The following HLCS variants were observed in gnomAD, a reference collection of about 807,000 sequenced individuals.
HLCS encodes the protein holocarboxylase synthetase.
In HLCS, 53 loss-of-function variants were observed where a neutral mutation model predicts 75.0. That is an observed-to-expected ratio of 0.71 (90% CI 0.57 to 0.89). The LOEUF is 0.89. Ranked by LOEUF, HLCS falls within the 40% of genes least tolerant of loss-of-function variation. The pLI, the probability that HLCS is intolerant of heterozygous loss-of-function variation, is 0.00. For missense variants in HLCS, 966 were observed against 1,074.0 expected, an observed-to-expected ratio of 0.90 and a Z score of 1.41; for synonymous variants, 431 against 428.6, an observed-to-expected ratio of 1.01 and a Z score of -0.07.
intron 5 of HLCS, among the ~76,000 whole-genome samples, chr21:36,921,699 C>T (rs911826983): frequency 3.3e-5 from 5 of 152,222 alleles, no homozygotes; most frequent in African/African-American, 7.2e-5. Flanking sequence ...GCCTCGGAGG[C>T]GCAGCAGCAC....
intron 2 of HLCS, among the ~76,000 whole-genome samples, chr21:36,941,733 G>A (rs1167703002): frequency 1.3e-5 from 2 of 152,160 alleles, no homozygotes; most frequent in Admixed American, 1.3e-4. Flanking sequence ...GGCTGGGCGC[G>A]GTGTCTCACG....
intron 2 of HLCS, chr21:36,947,871 C>T (rs2067478526): frequency 4.1e-6 from 4 of 985,416 alleles, no homozygotes; most frequent in Non-Finnish European, 4.8e-6. Flanking sequence ...AGTCAGATCA[C>T]GGATGCTGCT....
At chr21:36,805,348 C>T (rs559962680) in intron 6 of HLCS, among the ~76,000 whole-genome samples, 18 of 152,312 alleles carry the variant, frequency 1.2e-4, no homozygotes, top group African/African-American at 4.1e-4. Flanking sequence ...GCACTGTCTT[C>T]CTTGCTTCCA....
intron 6 of HLCS, among the ~76,000 whole-genome samples, chr21:36,790,044 T>C (rs772045216): frequency 2.0e-5 from 3 of 152,194 alleles, no homozygotes; most frequent in Non-Finnish European, 2.9e-5. Flanking sequence ...ACACTCCCAC[T>C]GGGGTTTGAA....
At chr21:36,877,774 A>C (rs1201748057) in intron 6 of HLCS, among the ~76,000 whole-genome samples, 2 of 152,136 alleles carry the variant, frequency 1.3e-5, no homozygotes, top group Non-Finnish European at 2.9e-5. Flanking sequence ...GACCTGCACT[A>C]TGACACATTA....
rs75666963 is a variant in HLCS, at chr21:36,841,582, C to T, written c.1892+55278G>A. 1.7e-3 allele frequency among the ~76,000 whole-genome samples: 263 copies of T among 152,268 alleles called. 3 individuals are homozygous for T. The highest frequency in any genetic ancestry group is 6.0e-3 in the African/African-American group (250 of 41,546). ...CTGCACAACGTGGTGGCTAAGAGCA[C>T]GGGAGTCAAAATCCTAGGCTGGGAA... On this transcript the variant is annotated intron_variant, in intron 6 of 10. Coordinates refer to ENST00000674895, the MANE Select transcript of HLCS (RefSeq NM_001352514.2).
At chr21:36,786,194 A>C (rs1027018402) in intron 6 of HLCS, among the ~76,000 whole-genome samples, 1 of 152,056 alleles carries the variant, frequency 6.6e-6, no homozygotes, top group African/African-American at 2.4e-5. Flanking sequence ...CCATTTGTTA[A>C]TTGTTGAGAG....
chr21:36,790,060 C>A (rs1472216304), intron 6 of HLCS, among the ~76,000 whole-genome samples: 1 of 152,166 alleles, frequency 6.6e-6, no homozygotes, highest in Admixed American at 6.5e-5. Context: ...TTGAACAAGG[C>A]TTAAAAGTAC....
At chr21:36,963,917 T>C (rs2068437522) in intron 1 of HLCS, among the ~76,000 whole-genome samples, 1 of 152,204 alleles carries the variant, frequency 6.6e-6, no homozygotes, top group Non-Finnish European at 1.5e-5. Flanking sequence ...CATTTGATTT[T>C]AAGTGTATAA....
intron 1 of HLCS, among the ~76,000 whole-genome samples, chr21:36,979,180 G>A (rs1273457455): frequency 1.9e-4 from 28 of 150,752 alleles, no homozygotes; most frequent in Admixed American, 1.8e-3. Flanking sequence ...GCTGAGGCAG[G>A]AGAATAGCAT....
At chr21:36,890,937 A>G (rs1463334298) in intron 6 of HLCS, among the ~76,000 whole-genome samples, 1 of 152,242 alleles carries the variant, frequency 6.6e-6, no homozygotes, top group African/African-American at 2.4e-5. Context: ...AAAAACTGAA[A>G]GTACATGCCT....
intron 2 of HLCS, among the ~76,000 whole-genome samples, chr21:36,960,737 A>G (rs551442028): frequency 2.6e-4 from 39 of 152,346 alleles, no homozygotes; most frequent in African/African-American, 8.7e-4. Context: ...GATGATCTAC[A>G]TAGCAGGGAA....
intron 5 of HLCS, among the ~76,000 whole-genome samples, chr21:36,899,770 T>C (rs1023567984): frequency 6.6e-6 from 1 of 152,126 alleles, no homozygotes; most frequent in African/African-American, 2.4e-5. Flanking sequence ...GGGTCAAAAT[T>C]CCTGTCTTTG....
chr21:36,845,904 C>T (rs1481233252), intron 6 of HLCS, among the ~76,000 whole-genome samples: 3 of 152,132 alleles, frequency 2.0e-5, no homozygotes, highest in Admixed American at 6.5e-5. Context: ...CCAGACCACT[C>T]AACTGCTCTC....
At chr21:36,896,768 T>C in intron 6 of HLCS, 92 bp downstream of exon 6, 1 of 1,435,446 alleles carries the variant, frequency 7.0e-7, no homozygotes, top group Non-Finnish European at 9.8e-7. Context: ...CGTATTCCTC[T>C]ACAACTCTAT....
chr21:36,892,136 G>A (rs1186113729), intron 6 of HLCS, among the ~76,000 whole-genome samples: 1 of 152,214 alleles, frequency 6.6e-6, no homozygotes, highest in African/African-American at 2.4e-5. Flanking sequence ...TATCTCTACA[G>A]AAACCTTAAG....
intron 2 of HLCS, among the ~76,000 whole-genome samples, chr21:36,942,120 C>A (rs900345428): frequency 1.3e-5 from 2 of 152,008 alleles, no homozygotes; most frequent in African/African-American, 4.8e-5. Flanking sequence ...TTGCAGTGAG[C>A]CAACACTCCA....
intron 6 of HLCS, among the ~76,000 whole-genome samples, chr21:36,822,016 A>T (rs1457446718): frequency 1.3e-5 from 2 of 152,176 alleles, no homozygotes; most frequent in African/African-American, 4.8e-5. Context: ...GGAGAGCTGC[A>T]GCCAGTCATC....
chr21:36,929,545 T>C (rs960850550), intron 5 of HLCS, among the ~76,000 whole-genome samples: 1 of 152,252 alleles, frequency 6.6e-6, no homozygotes, highest in African/African-American at 2.4e-5. Flanking sequence ...GTTTAGTGTT[T>C]AAAGTCACCT....
Sources: gnomAD v4.1 joint callset for allele counts (sites outside exome capture counted in the v4.1 genomes callset) on GRCh38, gnomAD v4.1.1 for gene constraint, MANE v1.5 for transcripts, NCBI Gene and HGNC (gene_info 2026-07-23, HGNC 2026-07-21) for gene names.